The following DNM2 variants were observed in gnomAD, a reference collection of about 807,000 sequenced individuals.
DNM2 encodes the protein dynamin-2.
Under a neutral mutation model 99.0 loss-of-function variants are expected in DNM2, and 15 were observed. The observed-to-expected ratio is 0.15, with a 90% CI of 0.10 to 0.23. The LOEUF is 0.23. Ranked by LOEUF, DNM2 falls within the 10% of genes least tolerant of loss-of-function variation. DNM2 has a pLI of 1.00. For synonymous variants in DNM2, 525 were observed against 481.2 expected, an observed-to-expected ratio of 1.09 and a Z score of -1.19; for missense variants, 742 against 1,189.4, an observed-to-expected ratio of 0.62 and a Z score of 5.53.
At chr19:10,825,694 A>AGAGAG (rs569071526) in intron 18 of DNM2, among the ~76,000 whole-genome samples, 54 of 143,900 alleles carry the variant, frequency 3.8e-4, no homozygotes, top group African/African-American at 1.1e-3. Context: ...GAGAGAGAGA[A>AGAGAG]AAATACAAAA....
chr19:10,794,344 CGTGTGTGTGTGTGT>C (rs58263525), intron 8 of DNM2, among the ~76,000 whole-genome samples: 9 of 141,700 alleles, frequency 6.4e-5, no homozygotes, highest in Admixed American at 1.4e-4. Flanking sequence ...CTTCTTTTTC[CGTGTGTGTGTGTGT>C]GTGTGTGTGT....
intron 1 of DNM2, among the ~76,000 whole-genome samples, chr19:10,751,154 G>T (rs2070180173): frequency 6.6e-6 from 1 of 151,970 alleles, no homozygotes; most frequent in South Asian, 2.1e-4. Context: ...GTGAATGGGG[G>T]TGAGAGAAGT....
rs1042487181 is a variant in DNM2, at chr19:10,754,312, G to A, written c.162-5426G>A. ...CACTCTGTTGCCAGGCTGGAGTGCAGTGGCGCTATCTCAGCTCACTGCAGC... is the reference window on the plus strand; with the variant it reads ...CACTCTGTTGCCAGGCTGGAGTGCAATGGCGCTATCTCAGCTCACTGCAGC... On this transcript the variant is annotated intron_variant, in intron 1 of 20. Transcript: ENST00000389253. Among the ~76,000 whole-genome samples the A allele has an allele frequency of 8.1e-5, 12 of 148,306 alleles. No individual in the cohort carries two copies. In the South Asian group the frequency reaches 2.1e-3, roughly 27 times the overall value.
rs747890499 is a variant in DNM2 at position 10,795,721 on chromosome 19, C to G, written c.1196+282C>G. 2.6e-5 allele frequency: 15 copies of G among 580,644 alleles called. No individual in the cohort carries two copies. Among genetic ancestry groups the G allele is most frequent in the Admixed American group, 6.0e-5 (2 of 33,288 alleles). 36.0% of individuals were successfully genotyped at this position (580,644 alleles called of 1,614,324 possible). A position where few individuals can be genotyped will look rare whatever the true frequency, so the allele number is the denominator to read the frequency against. ...CGGTTGGTGTGAACCTCATGCTAAA[C>G]TAAGAATGCTCACTGCAGATTTGCC... On this transcript the variant is annotated intron_variant, in intron 9 of 20. Transcript: ENST00000389253. The surrounding 1 kb of genome is among the most constrained non-coding windows in gnomAD (Gnocchi z 4.2).
At chr19:10,759,547 C>T (rs2145854671) in intron 1 of DNM2, 191 bp from the exon 2 acceptor site, 1 of 685,368 alleles carries the variant, frequency 1.5e-6, no homozygotes, top group East Asian at 2.6e-5. Flanking sequence ...ACCTTCCATG[C>T]ATACCTTCCT....
At position 10,796,533 on chromosome 19, in the gene DNM2, G is replaced by A. The variant is rs1007320227; in HGVS notation, c.1197-847G>A. On this transcript the variant is annotated intron_variant, in intron 9 of 20. Coordinates refer to ENST00000389253, the MANE Select transcript of DNM2 (RefSeq NM_001005361.3). The surrounding 1 kb of genome is among the most constrained non-coding windows in gnomAD (Gnocchi z 5.6). ...CCTGGGAAGCAGAGAGGGACCCCCC[G>A]CGTCAACTGCTGGAGGCTGAGCTCC... 5.9e-5 allele frequency among the ~76,000 whole-genome samples: 9 copies of A among 152,124 alleles called. No individual in the cohort carries two copies. The highest frequency in any genetic ancestry group is 2.1e-4 in the South Asian group (1 of 4,826).
intron 1 of DNM2, among the ~76,000 whole-genome samples, chr19:10,736,592 G>A (rs925169328): frequency 1.1e-4 from 16 of 152,104 alleles, no homozygotes; most frequent in African/African-American, 3.9e-4. Flanking sequence ...GGAAAGCCAC[G>A]GTATTAGTTT....
intron 1 of DNM2, among the ~76,000 whole-genome samples, chr19:10,727,561 T>A (rs1335542031): frequency 2.6e-5 from 4 of 151,688 alleles, no homozygotes; most frequent in Non-Finnish European, 5.9e-5. Flanking sequence ...AGAGGTGGGG[T>A]CTCATTATTT....
chr19:10,755,006 G>A (rs180682462), intron 1 of DNM2: 1 of 152,334 alleles, frequency 6.6e-6, no homozygotes, highest in African/African-American at 2.4e-5. Context: ...TCCCGAAAGG[G>A]AACCACTGCC....
chr19:10,815,349 G>A (rs994033868), intron 15 of DNM2, among the ~76,000 whole-genome samples: 1 of 152,194 alleles, frequency 6.6e-6, no homozygotes, highest in Non-Finnish European at 1.5e-5. Context: ...GTTTCTGAGC[G>A]TGACAGCTGG....
chr19:10,772,584 G>T lies in DNM2; in HGVS notation c.341G>T (p.Gly114Val). 6.2e-7 allele frequency: 1 copy of T among 1,614,140 alleles called. No individual in the cohort carries two copies. Among genetic ancestry groups the T allele is most frequent in the Non-Finnish European group, 8.5e-7 (1 of 1,180,018 alleles). ...ETDRVTGTNK[G>V]ISPVPINLRV... is the part of the protein sequence containing the mutation. ...GACAGGGTCACGGGGACCAACAAAGGCATCTCCCCAGTGCCCATCAACCTT... is the reference window on the plus strand; with the variant it reads ...GACAGGGTCACGGGGACCAACAAAGTCATCTCCCCAGTGCCCATCAACCTT... The change falls in exon 3 of 21, where the codon GGC (glycine) becomes GTC (valine). Residue 114 changes from glycine to valine, a missense_variant. By Grantham distance (109) the Gly-to-Val change is moderately radical (BLOSUM62 -3). Transcript: ENST00000389253. The surrounding 1 kb of genome is among the most constrained non-coding windows in gnomAD (Gnocchi z 4.9).
intron 2 of DNM2, among the ~76,000 whole-genome samples, chr19:10,761,229 C>T (rs915938302): frequency 1.9e-4 from 29 of 152,070 alleles, no homozygotes; most frequent in Admixed American, 1.2e-3. Context: ...CCTCGTGATC[C>T]GCCCACTTCG....
rs1399811501 is a variant in DNM2 at position 10,818,398 on chromosome 19, G to A, written c.1672-1582G>A. The stretch of plus-strand genomic sequence containing the variant: ...CCGGGTGCTCATGGGCACCAGCTCT[G>A]CAGTGGGCACCAAGCTCCTCCATCC... On this transcript the variant is annotated intron_variant, in intron 15 of 20. Coordinates refer to ENST00000389253, the MANE Select transcript of DNM2 (RefSeq NM_001005361.3). This position sits in a 1 kb window ranked among gnomAD's most constrained non-coding sequence, Gnocchi z 4.3. 2.0e-5 allele frequency among the ~76,000 whole-genome samples: 3 copies of A among 152,238 alleles called. No individual in the cohort carries two copies. The highest frequency in any genetic ancestry group is 4.8e-5 in the African/African-American group (2 of 41,466).
intron 9 of DNM2, among the ~76,000 whole-genome samples, chr19:10,797,054 A>T (rs887206928): frequency 6.6e-6 from 1 of 152,058 alleles, no homozygotes; most frequent in African/African-American, 2.4e-5. Flanking sequence ...AAAACAGTCC[A>T]AACAGGTTGG....
chr19:10,805,526 T>C (rs1365137652), intron 12 of DNM2, among the ~76,000 whole-genome samples: 1 of 152,098 alleles, frequency 6.6e-6, no homozygotes, highest in Non-Finnish European at 1.5e-5. Flanking sequence ...TTCCAGCTAC[T>C]CGGGAGACTG....
At chr19:10,777,298 C>G in intron 5 of DNM2, 82 bp downstream of exon 5, 2 of 1,327,584 alleles carry the variant, frequency 1.5e-6, no homozygotes, top group East Asian at 2.5e-5. Context: ...TGTTCCCTGC[C>G]TGCCTGGAAG....
At chr19:10,823,637 C>T in intron 16 of DNM2, 151 bp from the exon 17 acceptor site, 2 of 697,074 alleles carry the variant, frequency 2.9e-6, no homozygotes, top group South Asian at 3.2e-5. Flanking sequence ...AGGCGTCACT[C>T]ACGGTGACCC....
chr19:10,732,707 T>A (rs976166446), intron 1 of DNM2, among the ~76,000 whole-genome samples: 144 of 139,112 alleles, frequency 1.0e-3, no homozygotes, highest in South Asian at 1.5e-3. Context: ...GCCAGATTTT[T>A]TATATATATA....
intron 15 of DNM2, among the ~76,000 whole-genome samples, chr19:10,819,471 G>A (rs1568318424): frequency 1.3e-5 from 2 of 152,182 alleles, no homozygotes; most frequent in Non-Finnish European, 2.9e-5. Context: ...CATTCACTTC[G>A]TGCAAGGCGA....
Sources: gnomAD v4.1 joint callset for allele counts (sites outside exome capture counted in the v4.1 genomes callset) on GRCh38, gnomAD v4.1.1 for gene constraint, Gnocchi (gnomAD v3.1) non-coding constraint, MANE v1.5 for transcripts, NCBI Gene and HGNC (gene_info 2026-07-23, HGNC 2026-07-21) for gene names.